Variants in MAPK10 observed in about 807,000 individuals in gnomAD.
The protein encoded by MAPK10 is JNK3 alpha protein kinase.
A neutral mutation model predicts 59.3 loss-of-function variants in MAPK10; 25 were observed. The observed-to-expected ratio is 0.42, with a 90% confidence interval of 0.31 to 0.59. The LOEUF is 0.59. MAPK10 is among the 20% of genes least tolerant of loss of function. MAPK10 has a pLI of 0.15. For synonymous variants in MAPK10, 190 were observed against 200.5 expected, an observed-to-expected ratio of 0.95 and a Z score of 0.44; for missense variants, 351 against 568.9, an observed-to-expected ratio of 0.62 and a Z score of 3.90.
At chr4:86,246,047 T>A (rs559974577) in intron 2 of MAPK10, among the ~76,000 whole-genome samples, 1 of 152,368 alleles carries the variant, frequency 6.6e-6, no homozygotes, top group East Asian at 1.9e-4. Context: ...TTTTCTATGC[T>A]ATTATCCTTC....
chr4:86,214,335 G>GTTCAC (rs1260364173), intron 2 of MAPK10, among the ~76,000 whole-genome samples: 1 of 151,840 alleles, frequency 6.6e-6, no homozygotes, highest in Non-Finnish European at 1.5e-5. Context: ...AGGTAAGGAT[G>GTTCAC]TTCACTTTTA....
chr4:86,184,922 T>C (rs1375737375), intron 3 of MAPK10, among the ~76,000 whole-genome samples: 1 of 152,116 alleles, frequency 6.6e-6, no homozygotes, highest in Non-Finnish European at 1.5e-5. Flanking sequence ...TCAGATACTA[T>C]TGTGAGTTCT....
At chr4:86,161,921 G>C (rs1043746237) in intron 3 of MAPK10, among the ~76,000 whole-genome samples, 1 of 151,924 alleles carries the variant, frequency 6.6e-6, no homozygotes, top group African/African-American at 2.4e-5. Flanking sequence ...GATTCAACTT[G>C]TTGTCTCTCC....
chr4:86,070,547 C>G (rs2047683005), intron 9 of MAPK10, among the ~76,000 whole-genome samples: 1 of 128,106 alleles, frequency 7.8e-6, no homozygotes. Context: ...CCCCCTCCCC[C>G]CACCCCACCA....
At chr4:86,451,431 AC>A in intron 1 of MAPK10, among the ~76,000 whole-genome samples, 1 of 152,346 alleles carries the variant, frequency 6.6e-6, no homozygotes, top group South Asian at 2.1e-4. Context: ...ATGAAGAATA[AC>A]GGCCAATATT....
At chr4:86,022,092 C>T (rs1401839535) in intron 13 of MAPK10, among the ~76,000 whole-genome samples, 3 of 152,206 alleles carry the variant, frequency 2.0e-5, no homozygotes, top group Admixed American at 1.3e-4. Context: ...CCTCAAATGC[C>T]GCCAAAGTAG....
At chr4:86,159,157 ATT>A in intron 4 of MAPK10, 139 bp downstream of exon 4, 1 of 549,602 alleles carries the variant, frequency 1.8e-6, no homozygotes, top group South Asian at 4.4e-5. Context: ...TCATAATGTT[ATT>A]TTTTTTTCTT....
intron 9 of MAPK10, among the ~76,000 whole-genome samples, chr4:86,075,317 A>G (rs1040476301): frequency 4.6e-5 from 7 of 151,982 alleles, no homozygotes; most frequent in Non-Finnish European, 8.8e-5. Flanking sequence ...CAAAGTTTTT[A>G]ACTTCTTTGC....
Position 86,350,574 on chromosome 4 carries a change from C to A in MAPK10, c.-7+3956G>T, listed in dbSNP as rs557201513. On this transcript the variant is annotated intron_variant, in intron 2 of 13. Coordinates refer to ENST00000641462, the MANE Select transcript of MAPK10 (RefSeq NM_138982.4). The stretch of plus-strand genomic sequence containing the variant: ...ATGTTGGCCAGGCTGGTCTCAAACT[C>A]CTGACCTCAGCTGATCCACCAGCCT... Among the ~76,000 whole-genome samples, 27 of 152,240 alleles carry A rather than the reference C, an allele frequency of 1.8e-4. No individual in the cohort carries two copies. In the Middle Eastern group the frequency reaches 0.01, roughly 58 times the overall value.
intron 2 of MAPK10, among the ~76,000 whole-genome samples, chr4:86,315,607 T>C (rs2095766551): frequency 1.3e-5 from 2 of 152,114 alleles, no homozygotes; most frequent in Admixed American, 1.3e-4. Context: ...AACCCAACAA[T>C]GTAAACATTT....
At chr4:86,371,528 C>G (rs1292183213) in intron 1 of MAPK10, among the ~76,000 whole-genome samples, 1 of 152,190 alleles carries the variant, frequency 6.6e-6, no homozygotes, top group Non-Finnish European at 1.5e-5. Flanking sequence ...GCATATCTAA[C>G]TGAAATTTCA....
intron 11 of MAPK10, among the ~76,000 whole-genome samples, chr4:86,062,449 A>G (rs1340238396): frequency 1.3e-5 from 2 of 152,180 alleles, no homozygotes; most frequent in African/African-American, 4.8e-5. Flanking sequence ...ACTCATTGAT[A>G]CTATTCAGTA....
chr4:86,066,044 T>C (rs928606166), intron 10 of MAPK10, among the ~76,000 whole-genome samples: 11 of 152,324 alleles, frequency 7.2e-5, no homozygotes, highest in African/African-American at 2.6e-4. Flanking sequence ...TCACGTAATA[T>C]TAACCATACT....
At chr4:86,529,526 G>A (rs550847679) in intron 1 of MAPK10, among the ~76,000 whole-genome samples, 1 of 152,304 alleles carries the variant, frequency 6.6e-6, no homozygotes, top group South Asian at 2.1e-4. Context: ...AGGTCATACA[G>A]CCAGGAAACA....
intron 1 of MAPK10, among the ~76,000 whole-genome samples, chr4:86,483,935 A>G (rs1753786043): frequency 6.6e-6 from 1 of 152,166 alleles, no homozygotes; most frequent in African/African-American, 2.4e-5. Flanking sequence ...CAGAAGACAA[A>G]TGTTGGAATA....
At chr4:86,130,853 T>C (rs1277387059) in intron 4 of MAPK10, among the ~76,000 whole-genome samples, 2 of 152,132 alleles carry the variant, frequency 1.3e-5, no homozygotes, top group Non-Finnish European at 2.9e-5. Flanking sequence ...TCCTGAACAG[T>C]GATAAAGGCT....
intron 1 of MAPK10, among the ~76,000 whole-genome samples, chr4:86,444,823 C>T (rs1266389769): frequency 1.3e-5 from 2 of 151,692 alleles, no homozygotes; most frequent in African/African-American, 4.8e-5. Context: ...AAAAAGAGCT[C>T]AACATCATTG....
intron 9 of MAPK10, among the ~76,000 whole-genome samples, chr4:86,070,569 G>A (rs1224434565): frequency 2.1e-4 from 26 of 122,744 alleles, no homozygotes; most frequent in African/African-American, 8.0e-4. Flanking sequence ...AGTCCCCAGA[G>A]TGTCATATTC....
intron 1 of MAPK10, among the ~76,000 whole-genome samples, chr4:86,517,500 C>A (rs762360083): frequency 6.6e-6 from 1 of 152,116 alleles, no homozygotes; most frequent in Non-Finnish European, 1.5e-5. Flanking sequence ...TGGTCTCAAT[C>A]TCCTGACCTC....
Sources: gnomAD v4.1 joint callset for allele counts (sites outside exome capture counted in the v4.1 genomes callset) on GRCh38, gnomAD v4.1.1 for gene constraint, MANE v1.5 for transcripts, NCBI Gene and HGNC (gene_info 2026-07-23, HGNC 2026-07-21) for gene names.